The following RAB28 variants were observed in gnomAD, a reference collection of about 807,000 sequenced individuals.
RAB28 encodes ras-related protein Rab-28.
Under a neutral mutation model 31.7 loss-of-function variants are expected in RAB28, and 24 were observed. That is an observed-to-expected ratio of 0.76 (90% CI 0.55 to 1.06). The LOEUF (loss-of-function observed/expected upper bound fraction) is 1.06, where lower values mean the gene tolerates loss of function less well. Ranked by LOEUF, RAB28 falls within the 50% of genes least tolerant of loss-of-function variation. RAB28 has a pLI of 0.00. For missense variants in RAB28, 254 were observed against 258.5 expected, an observed-to-expected ratio of 0.98 and a Z score of 0.12; for synonymous variants, 100 against 90.4, an observed-to-expected ratio of 1.11 and a Z score of -0.60.
chr4:13,422,792 T>C (rs1351016650), intron 4 of RAB28, among the ~76,000 whole-genome samples: 5 of 151,848 alleles, frequency 3.3e-5, no homozygotes, highest in Non-Finnish European at 7.4e-5. Context: ...GAGAAATACC[T>C]AATGTAAATG....
intron 2 of RAB28, among the ~76,000 whole-genome samples, chr4:13,475,516 T>C (rs758598219): frequency 1.3e-5 from 2 of 151,614 alleles, no homozygotes; most frequent in African/African-American, 2.4e-5. Context: ...CATTTAACTA[T>C]GCAACTGAAA....
chr4:13,462,638 G>A (rs1209560296), intron 3 of RAB28, among the ~76,000 whole-genome samples: 1 of 152,046 alleles, frequency 6.6e-6, no homozygotes, highest in Non-Finnish European at 1.5e-5. Context: ...AGCTTCTCCA[G>A]GTCTCAGGTT....
intron 4 of RAB28, among the ~76,000 whole-genome samples, chr4:13,448,996 G>A (rs1714835850): frequency 6.6e-6 from 1 of 151,906 alleles, no homozygotes; most frequent in Non-Finnish European, 1.5e-5. Context: ...TTTGGGATTA[G>A]TATTATCTGG....
chr4:13,408,401 G>A (rs910381916), intron 4 of RAB28, among the ~76,000 whole-genome samples: 7 of 152,152 alleles, frequency 4.6e-5, no homozygotes, highest in African/African-American at 1.7e-4. Flanking sequence ...ATGTGCTGCT[G>A]GATTTGCTTT....
At chr4:13,430,370 G>A (rs1395966748) in intron 4 of RAB28, among the ~76,000 whole-genome samples, 1 of 152,124 alleles carries the variant, frequency 6.6e-6, no homozygotes, top group African/African-American at 2.4e-5. Context: ...AAAAAGGAAA[G>A]CAGAATGAGG....
chr4:13,419,163 A>G (rs1211007823), intron 4 of RAB28, among the ~76,000 whole-genome samples: 1 of 152,214 alleles, frequency 6.6e-6, no homozygotes, highest in Non-Finnish European at 1.5e-5. Flanking sequence ...AGGCCATTAC[A>G]TAATGGTAAA....
At chr4:13,417,075 G>A (rs1023877311) in intron 4 of RAB28, among the ~76,000 whole-genome samples, 3 of 152,222 alleles carry the variant, frequency 2.0e-5, no homozygotes, top group Admixed American at 6.5e-5. Context: ...CGGCACATCA[G>A]GAGATTATAT....
At chr4:13,408,181 C>A (rs2124734) in intron 4 of RAB28, among the ~76,000 whole-genome samples, 3 of 152,218 alleles carry the variant, frequency 2.0e-5, no homozygotes, top group East Asian at 1.9e-4. Context: ...TTTGAGATAC[C>A]TTCCATCAGT....
At chr4:13,484,031 G>C in intron 1 of RAB28, 45 bp downstream of exon 1, 1 of 1,537,646 alleles carries the variant, frequency 6.5e-7, no homozygotes, top group Non-Finnish European at 8.8e-7. Flanking sequence ...GGGGACCGCC[G>C]GGGTTCCTGC....
At position 13,368,305 on chromosome 4, in the gene RAB28, T is replaced by C. The variant is rs932460853; in HGVS notation, c.*253A>G. 1.8e-6 allele frequency: 2 copies of C among 1,125,868 alleles called. No individual in the cohort carries two copies. The highest frequency in any genetic ancestry group is 2.2e-6 in the Non-Finnish European group (2 of 920,804). 69.7% of individuals were successfully genotyped at this position (1,125,868 alleles called of 1,614,324 possible). ...ATACAAAGAAACAACATCATTCTTTTGCAATGAAGCAGTCTAATTCCAGGG... is the reference window on the plus strand; with the variant it reads ...ATACAAAGAAACAACATCATTCTTTCGCAATGAAGCAGTCTAATTCCAGGG... On this transcript the variant is annotated 3_prime_UTR_variant, in exon 7 of 7. Coordinates refer to ENST00000330852, the MANE Select transcript of RAB28 (RefSeq NM_001017979.3).
intron 3 of RAB28, chr4:13,473,991 G>T: frequency 2.6e-6 from 1 of 386,096 alleles, no homozygotes; most frequent in South Asian, 2.1e-5. Context: ...CAGTTTATTT[G>T]AAAGCAGTCA....
At chr4:13,433,468 A>C (rs1713928382) in intron 4 of RAB28, among the ~76,000 whole-genome samples, 1 of 152,132 alleles carries the variant, frequency 6.6e-6, no homozygotes, top group African/African-American at 2.4e-5. Context: ...AAAGAAACAA[A>C]CAAACGAAAA....
chr4:13,483,220 T>G (rs1481208536), intron 1 of RAB28, among the ~76,000 whole-genome samples: 1 of 151,990 alleles, frequency 6.6e-6, no homozygotes, highest in Non-Finnish European at 1.5e-5. Context: ...ATTTCAGGAG[T>G]TCCACAGCCT....
intron 4 of RAB28, among the ~76,000 whole-genome samples, chr4:13,407,752 T>C (rs1342871749): frequency 6.6e-6 from 1 of 152,232 alleles, no homozygotes; most frequent in East Asian, 1.9e-4. Flanking sequence ...CTAGGCATTT[T>C]ATTCTCTTTT....
intron 4 of RAB28, among the ~76,000 whole-genome samples, chr4:13,434,680 A>T (rs1713993727): frequency 6.6e-6 from 1 of 152,168 alleles, no homozygotes; most frequent in Non-Finnish European, 1.5e-5. Context: ...CAAAAAAATC[A>T]AAATCATATC....
chr4:13,454,700 A>G (rs1715198460), intron 4 of RAB28, among the ~76,000 whole-genome samples: 1 of 152,304 alleles, frequency 6.6e-6, no homozygotes, highest in East Asian at 1.9e-4. Flanking sequence ...GCTGTTTCTC[A>G]GGTCAGGGTG....
intron 4 of RAB28, among the ~76,000 whole-genome samples, chr4:13,390,464 C>A (rs1729576505): frequency 6.6e-6 from 1 of 151,300 alleles, no homozygotes; most frequent in African/African-American, 2.4e-5. Flanking sequence ...TAGGAAGAAT[C>A]AATATCATGA....
In RAB28 at chr4:13,451,436, T is replaced by C. The variant is rs895881690; in HGVS notation, c.391+9263A>G. The stretch of plus-strand genomic sequence containing the variant: ...GGTTTTTGTCTTTTGTTTTGGTTTT[T>C]TGCTGTTGAGATGTCTGCATCCCTT... On this transcript the variant is annotated intron_variant, in intron 4 of 6. Coordinates refer to ENST00000330852, the MANE Select transcript of RAB28 (RefSeq NM_001017979.3). Among the ~76,000 whole-genome samples the C allele has an allele frequency of 2.6e-5, 4 of 151,172 alleles. No homozygotes were observed. In the East Asian group the frequency reaches 5.8e-4, roughly 22 times the overall value.
chr4:13,453,442 G>T (rs547918315), intron 4 of RAB28, among the ~76,000 whole-genome samples: 140 of 152,178 alleles, frequency 9.2e-4, no homozygotes, highest in Non-Finnish European at 1.6e-3. Flanking sequence ...GGCTCTAGCA[G>T]CAAGTTTTAG....
Sources: gnomAD v4.1 joint callset for allele counts (sites outside exome capture counted in the v4.1 genomes callset) on GRCh38, gnomAD v4.1.1 for gene constraint, MANE v1.5 for transcripts, NCBI Gene and HGNC (gene_info 2026-07-23, HGNC 2026-07-21) for gene names.